The following GPR21 variants were observed in gnomAD, a reference collection of about 807,000 sequenced individuals.
GPR21 encodes G protein-coupled receptor 21, also known as probable G protein-coupled receptor 21.
A neutral mutation model predicts 21.5 loss-of-function variants in GPR21; 9 were observed. That is an observed-to-expected ratio of 0.42 (90% CI 0.25 to 0.73). The LOEUF is 0.73. Among genes scored for constraint, GPR21 ranks in the 30% least tolerant of loss-of-function variants. GPR21 has a pLI of 0.27. For synonymous variants in GPR21, 169 were observed against 159.3 expected (o/e 1.06, Z -0.46); for missense variants, 416 against 428.9 (o/e 0.97, Z 0.27).
chr9:123,034,333 G>T lies in GPR21; in HGVS notation c.-234G>T, dbSNP rs898426622. ...ATGGTGAACCTGGCACTATGGCCGCGTCTGGGACTGGCCAGACAACTGCTG... is the reference window on the plus strand; with the variant it reads ...ATGGTGAACCTGGCACTATGGCCGCTTCTGGGACTGGCCAGACAACTGCTG... On this transcript the variant is annotated 5_prime_UTR_variant, in exon 2 of 2. Coordinates refer to ENST00000616002, the MANE Select transcript of GPR21 (RefSeq NM_005294.3). 5.5e-6 allele frequency: 3 copies of T among 547,132 alleles called. No individual in the cohort carries two copies. The highest frequency in any genetic ancestry group is 9.6e-6 in the Non-Finnish European group (3 of 313,610). 33.9% of individuals were successfully genotyped at this position (547,132 alleles called of 1,614,324 possible). A position where few individuals can be genotyped will look rare whatever the true frequency, so the allele number is the denominator to read the frequency against.
downstream of GPR21, chr9:123,035,758 A>C: frequency 1.7e-6 from 1 of 574,872 alleles, no homozygotes; most frequent in East Asian, 2.9e-5. Context: ...ATAGCATACA[A>C]ATTATTCGTA....
At position 123,035,332 on chromosome 9, in the gene GPR21, C is replaced by T. The variant is rs370055199; in HGVS notation, c.766C>T (p.Arg256Ter). The change falls in exon 2 of 2, where the codon CGA becomes TGA. Residue 256 changes from arginine (R) to a stop codon, truncating the protein, a stop_gained. Transcript: ENST00000616002. LOFTEE classifies it high-confidence loss of function. ...PDKRYAMVLF[R>*]ITSVFYILWL... is the part of the protein sequence containing the mutation. ...TAAGCGCTATGCCATGGTCCTGTTT[C>T]GAATCACTAGTGTATTTTACATCCT... 5.6e-6 allele frequency: 9 copies of T among 1,614,040 alleles called. No homozygotes were observed. The highest frequency in any genetic ancestry group is 5.0e-5 in the Admixed American group (3 of 60,010).
the GPR21 span, among the ~76,000 whole-genome samples, chr9:123,047,222 G>A: frequency 6.6e-6 from 1 of 152,132 alleles, no homozygotes; most frequent in Non-Finnish European, 1.5e-5. Context: ...ATGTTCTCTT[G>A]ATCACTAGTA....
downstream of GPR21, among the ~76,000 whole-genome samples, chr9:123,039,752 T>C (rs1049756872): frequency 5.9e-5 from 9 of 152,176 alleles, no homozygotes; most frequent in South Asian, 2.1e-4. Flanking sequence ...TCACACCTTC[T>C]TGGCTCTGGA....
the GPR21 span, among the ~76,000 whole-genome samples, chr9:123,044,450 G>A: frequency 1.3e-5 from 2 of 152,204 alleles, no homozygotes; most frequent in South Asian, 4.1e-4. Context: ...TGGGAATGGA[G>A]TTTTGGGTCT....
At chr9:123,047,324 G>C in the GPR21 span, among the ~76,000 whole-genome samples, 6 of 152,170 alleles carry the variant, frequency 3.9e-5, no homozygotes, top group Non-Finnish European at 8.8e-5. Flanking sequence ...CTGCTAGTGA[G>C]TTTGAAGGGT....
At chr9:123,035,739 C>T, downstream of GPR21, 1 of 639,298 alleles carries the variant, frequency 1.6e-6, no homozygotes, top group Non-Finnish European at 2.6e-6. Context: ...AATACTTTGA[C>T]TCTAAACAAT....
At chr9:123,044,628 T>C in the GPR21 span, among the ~76,000 whole-genome samples, 2 of 38,900 alleles carry the variant, frequency 5.1e-5, no homozygotes, top group Non-Finnish European at 6.0e-4. Context: ...CACACGTACG[T>C]GTGTGTGTGT....
At chr9:123,043,783 T>TA in the GPR21 span, among the ~76,000 whole-genome samples, 2 of 151,868 alleles carry the variant, frequency 1.3e-5, no homozygotes, top group African/African-American at 2.4e-5. Flanking sequence ...CAAACAGCTT[T>TA]AAAAAAAGGA....
chr9:123,044,152 C>G, the GPR21 span, among the ~76,000 whole-genome samples: 1 of 152,110 alleles, frequency 6.6e-6, no homozygotes. Context: ...ATCCGCCCAT[C>G]TCGGCCTCCC....
the GPR21 span, among the ~76,000 whole-genome samples, chr9:123,045,230 A>G: frequency 1.3e-5 from 2 of 152,232 alleles, no homozygotes; most frequent in African/African-American, 4.8e-5. Flanking sequence ...GCATTTAAAT[A>G]GCATTATTTA....
At chr9:123,047,503 T>C in the GPR21 span, among the ~76,000 whole-genome samples, 1 of 152,212 alleles carries the variant, frequency 6.6e-6, no homozygotes. Flanking sequence ...TTATTTCCTA[T>C]GTGCTGATAA....
the GPR21 span, among the ~76,000 whole-genome samples, chr9:123,045,182 G>A: frequency 6.6e-6 from 1 of 152,152 alleles, no homozygotes. Flanking sequence ...GAGTTGAATT[G>A]TTAAGGCAAT....
downstream of GPR21, among the ~76,000 whole-genome samples, chr9:123,038,488 C>A (rs1044795778): frequency 1.4e-5 from 2 of 147,744 alleles, no homozygotes; most frequent in Non-Finnish European, 3.0e-5. Flanking sequence ...CTCAGCTTTT[C>A]AGGTTTGTTT....
rs2131990612 is a variant in GPR21 at position 123,034,447 on chromosome 9, AG to A, written c.-118del. 1.5e-6 allele frequency: 1 copy of A among 678,250 alleles called. No individual in the cohort carries two copies. Among genetic ancestry groups the A allele is most frequent in the Non-Finnish European group, 2.6e-6 (1 of 385,962 alleles). The allele number at this position is 678,250 out of a possible 1,614,324, so 42.0% of individuals were successfully genotyped here. Reference sequence around the variant, plus strand: ...AGCAGCATCAGGAGCTTGGGGAGTAAGGCTCCTCTGGCATTATTACACACAT... The same window carrying A: ...AGCAGCATCAGGAGCTTGGGGAGTAAGCTCCTCTGGCATTATTACACACAT... On this transcript the variant is annotated 5_prime_UTR_variant, in exon 2 of 2. It introduces an in-frame stop codon into an upstream open reading frame of the 5' UTR. Transcript: ENST00000616002.
At chr9:123,040,343 A>G (rs1341608312), downstream of GPR21, among the ~76,000 whole-genome samples, 1 of 152,166 alleles carries the variant, frequency 6.6e-6, no homozygotes, top group South Asian at 2.1e-4. Context: ...AGTCTTCTCT[A>G]TTAGCAGATA....
At chr9:123,048,651 G>C in the GPR21 span, among the ~76,000 whole-genome samples, 2 of 152,318 alleles carry the variant, frequency 1.3e-5, no homozygotes, top group Admixed American at 6.5e-5. Context: ...AGAAACATTT[G>C]TTTGGAATAT....
At chr9:123,043,384 G>A in the GPR21 span, among the ~76,000 whole-genome samples, 1 of 152,206 alleles carries the variant, frequency 6.6e-6, no homozygotes, top group East Asian at 1.9e-4. Flanking sequence ...ATATAGTTGG[G>A]ATTTTCACCA....
chr9:123,035,092 G>A lies in GPR21; in HGVS notation c.526G>A (p.Asp176Asn). The A allele has an allele frequency of 6.2e-7, 1 of 1,614,124 alleles. No homozygotes were observed. The highest frequency in any genetic ancestry group is 1.1e-5 in the South Asian group (1 of 91,068). ...CTGGGGCAAACCTGGATATCATGGA[G>A]ATGTGTTTCAGTGGTGTGCGGAGTC... ...FHWGKPGYHG[D>N]VFQWCAESWH... The change falls in exon 2 of 2, where the codon GAT becomes AAT. Residue 176 changes from aspartate (D) to asparagine (N), a missense_variant. Transcript: ENST00000616002.
Sources: allele counts gnomAD v4.1 joint callset (sites outside exome capture counted in the v4.1 genomes callset), GRCh38; gene constraint gnomAD v4.1.1; transcripts MANE v1.5; gene names NCBI Gene and HGNC (gene_info 2026-07-23, HGNC 2026-07-21).